The following GPHN variants were observed in gnomAD, a reference collection of about 807,000 sequenced individuals.
GPHN encodes gephyrin.
Under a neutral mutation model 95.5 loss-of-function variants are expected in GPHN, and 17 were observed. That is an observed-to-expected ratio of 0.18 (90% confidence interval 0.12 to 0.27). The LOEUF (loss-of-function observed/expected upper bound fraction) is 0.27. Ranked by LOEUF, GPHN falls within the 10% of genes least tolerant of loss-of-function variation. The probability of loss-of-function intolerance (pLI) is 1.00; values close to 1 mark genes in which losing one functional copy is unlikely to be tolerated. For missense variants in GPHN, 660 were observed against 978.1 expected (o/e 0.67, Z 4.34); for synonymous variants, 320 against 322.5 (o/e 0.99, Z 0.08).
At chr14:67,223,868 C>G in the GPHN span, 2 of 985,700 alleles carry the variant, frequency 2.0e-6, no homozygotes, top group Non-Finnish European at 2.4e-6. Context: ...CACCCTGTAC[C>G]CCAAGAAAAG....
chr14:67,638,349 C>A, the GPHN span, among the ~76,000 whole-genome samples: 1 of 149,138 alleles, frequency 6.7e-6, no homozygotes, highest in South Asian at 2.2e-4. Flanking sequence ...CACAGTGAGA[C>A]CCTGTCTCTA....
At chr14:67,107,988 A>G (rs2078144130) in intron 13 of GPHN, among the ~76,000 whole-genome samples, 1 of 152,150 alleles carries the variant, frequency 6.6e-6, no homozygotes, top group African/African-American at 2.4e-5. Flanking sequence ...TGTGCAACAT[A>G]CTTTCTAAGC....
the GPHN span, chr14:67,659,734 A>G: frequency 6.3e-7 from 1 of 1,595,100 alleles, no homozygotes; most frequent in Non-Finnish European, 8.5e-7. Context: ...AACTTACCAT[A>G]TGCTCATTCT....
chr14:67,260,515 A>G, the GPHN span, among the ~76,000 whole-genome samples: 3 of 152,226 alleles, frequency 2.0e-5, no homozygotes, highest in African/African-American at 4.8e-5. Flanking sequence ...AAGGTAGACA[A>G]TAAATGCTAC....
At chr14:66,580,974 T>A (rs1044361768) in intron 1 of GPHN, among the ~76,000 whole-genome samples, 2 of 151,856 alleles carry the variant, frequency 1.3e-5, no homozygotes, top group Non-Finnish European at 1.5e-5. Flanking sequence ...CAAGCAGGAT[T>A]TATTCCTGGG....
At chr14:67,586,750 C>A in the GPHN span, 28 of 1,263,142 alleles carry the variant, frequency 2.2e-5, no homozygotes, top group African/African-American at 4.1e-4. Context: ...TAATACCACC[C>A]CTGCTAAAGG....
intron 9 of GPHN, among the ~76,000 whole-genome samples, chr14:66,989,629 A>G (rs1028501528): frequency 6.7e-6 from 1 of 149,272 alleles, no homozygotes; most frequent in Non-Finnish European, 1.5e-5. Flanking sequence ...GTATCTGTCT[A>G]AGGATCCTGT....
At chr14:67,693,119 C>T in the GPHN span, 179 of 992,824 alleles carry the variant, frequency 1.8e-4, no homozygotes, top group African/African-American at 2.2e-3. Flanking sequence ...GTTCCTGCAA[C>T]TCCCTGTGTC....
chr14:67,308,314 CTTTT>C, the GPHN span, among the ~76,000 whole-genome samples: 17 of 139,486 alleles, frequency 1.2e-4, no homozygotes, highest in African/African-American at 4.2e-4. Context: ...ACCAAACTTC[CTTTT>C]TTTTTTTTTT....
At chr14:67,344,953 A>C in the GPHN span, among the ~76,000 whole-genome samples, 9 of 149,896 alleles carry the variant, frequency 6.0e-5, no homozygotes, top group South Asian at 4.2e-4. Context: ...TAACAAGAAG[A>C]AGCAGGGGCC....
At chr14:67,277,990 G>A in the GPHN span, among the ~76,000 whole-genome samples, 766 of 150,530 alleles carry the variant, frequency 5.1e-3, 4 homozygotes, top group African/African-American at 0.017. Flanking sequence ...AGATACAACC[G>A]TTTTCTCTAA....
At position 66,726,134 on chromosome 14, in the gene GPHN, T is replaced by C. The variant is rs1236276475; in HGVS notation, c.143+44949T>C. ...TAAATTAACAAATAGTGCCAAAAAG[T>C]AAACACTTTTTTGCAAGGCAAATCA... On this transcript the variant is annotated intron_variant, in intron 2 of 22. Transcript: ENST00000478722. Among the ~76,000 whole-genome samples, 4 of 152,202 alleles carry C rather than the reference T, an allele frequency of 2.6e-5. No individual in the cohort carries two copies. The East Asian group carries it at 7.7e-4, about 29-fold the overall frequency.
intron 1 of GPHN, among the ~76,000 whole-genome samples, chr14:66,587,001 C>G (rs895674416): frequency 6.6e-6 from 1 of 151,742 alleles, no homozygotes; most frequent in African/African-American, 2.4e-5. Context: ...AAACTTTTAA[C>G]TAAGAAAAAT....
chr14:67,112,035 G>A (rs1567348090), intron 15 of GPHN, 116 bp downstream of exon 15: 1 of 815,376 alleles, frequency 1.2e-6, no homozygotes, highest in Admixed American at 2.0e-5. Context: ...TAATTTTCAG[G>A]GCTTTAACAA....
chr14:66,564,786 T>G (rs1292368593), intron 1 of GPHN, among the ~76,000 whole-genome samples: 1 of 152,152 alleles, frequency 6.6e-6, no homozygotes, highest in Non-Finnish European at 1.5e-5. Flanking sequence ...TTTGGTGGTA[T>G]GCATAAAAGT....
intron 2 of GPHN, among the ~76,000 whole-genome samples, chr14:66,693,361 C>T (rs1173920586): frequency 1.3e-5 from 2 of 152,110 alleles, no homozygotes; most frequent in Non-Finnish European, 2.9e-5. Context: ...TAATGATAGA[C>T]AGTTTCTTAA....
the GPHN span, among the ~76,000 whole-genome samples, chr14:67,342,708 C>G: frequency 1.3e-5 from 2 of 150,378 alleles, no homozygotes; most frequent in African/African-American, 4.9e-5. Context: ...ATATTTCTAA[C>G]AATATAGTTA....
the GPHN span, among the ~76,000 whole-genome samples, chr14:67,668,583 C>G: frequency 6.6e-6 from 1 of 152,194 alleles, no homozygotes; most frequent in African/African-American, 2.4e-5. Flanking sequence ...CAACAATTCA[C>G]ACATTCCATC....
intron 3 of GPHN, among the ~76,000 whole-genome samples, chr14:66,777,201 G>A (rs1183874470): frequency 5.9e-5 from 9 of 151,968 alleles, no homozygotes; most frequent in East Asian, 1.9e-4. Context: ...ACACCTCTAC[G>A]CAAATAAACT....
Sources: gnomAD v4.1 joint callset for allele counts (sites outside exome capture counted in the v4.1 genomes callset) on GRCh38, gnomAD v4.1.1 for gene constraint, MANE v1.5 for transcripts, NCBI Gene and HGNC (gene_info 2026-07-23, HGNC 2026-07-21) for gene names.